Variants in NBAS observed in about 807,000 individuals in gnomAD.
NBAS encodes the protein NAG/BC035112 fusion.
In NBAS, 219 loss-of-function variants were observed where a neutral mutation model predicts 302.5. That is an observed-to-expected ratio of 0.72 (90% CI 0.65 to 0.81). The LOEUF is 0.81. NBAS is among the 30% of genes least tolerant of loss of function. The probability of loss-of-function intolerance (pLI) is 0.00; values close to 1 mark genes in which losing one functional copy is unlikely to be tolerated. For missense variants in NBAS, 2,932 were observed against 2,841.6 expected (o/e 1.03, Z -0.72); for synonymous variants, 1,118 against 1,021.6 (o/e 1.09, Z -1.80).
At chr2:15,292,860 CTGTT>C in intron 40 of NBAS, 94 bp from the exon 41 acceptor site, 1 of 1,210,704 alleles carries the variant, frequency 8.3e-7, no homozygotes, top group Non-Finnish European at 1.2e-6. Flanking sequence ...CTGCAAGGAA[CTGTT>C]TGGCCCTGTA....
At chr2:15,279,222 A>C (rs1319694248) in intron 42 of NBAS, among the ~76,000 whole-genome samples, 1 of 152,182 alleles carries the variant, frequency 6.6e-6, no homozygotes, top group African/African-American at 2.4e-5. Flanking sequence ...TATCATGCTG[A>C]TTACTTTCTT....
At chr2:15,131,710 C>G in the NBAS span, among the ~76,000 whole-genome samples, 1 of 152,112 alleles carries the variant, frequency 6.6e-6, no homozygotes, top group Admixed American at 6.5e-5. Context: ...AAGAAATACC[C>G]GAGACTGGTA....
the NBAS span, among the ~76,000 whole-genome samples, chr2:15,098,276 T>TTATATG: frequency 2.1e-5 from 1 of 47,054 alleles, no homozygotes; most frequent in Non-Finnish European, 3.3e-5. Context: ...GTATACTATA[T>TTATATG]TATATAATAT....
At position 15,178,990 on chromosome 2, in the gene NBAS, T is replaced by C. The variant is rs140346039; in HGVS notation, c.6838A>G (p.Thr2280Ala). 2,173 of 1,613,194 alleles carry C rather than the reference T, an allele frequency of 1.3e-3. 3 individuals are homozygous for C. The highest frequency in any genetic ancestry group is 1.6e-3 in the Non-Finnish European group (1,891 of 1,179,892). Residue 2280 changes from threonine to alanine, a missense_variant and splice_region_variant, in exon 51 of 52, where the codon ACG (threonine) becomes GCG (alanine). Coordinates refer to ENST00000281513, the MANE Select transcript of NBAS (RefSeq NM_015909.4). ...MALEQITAVT[T>A]VNDSNCDQEL... The stretch of plus-strand genomic sequence containing the variant: ...AAAGTAAATTCAACTGGGCATACCG[T>C]AGTGACTGCCGTGATTTGCTCCAGT...
In NBAS at chr2:15,467,501, A is replaced by G. The variant is rs1253566058; in HGVS notation, c.2019-94T>C. 28 of 1,301,794 alleles carry G rather than the reference A, an allele frequency of 2.2e-5. 1 individual carries two copies. Among genetic ancestry groups the G allele is most frequent in the Non-Finnish European group, 2.3e-5 (21 of 903,162 alleles). 80.6% of individuals were successfully genotyped at this position (1,301,794 alleles called of 1,614,324 possible). ...AATGATTAATATTCCGTTGAGCCCA[A>G]AACTCATGAAACAGTTCAGAAAAGC... On this transcript the variant is annotated intron_variant, in intron 18 of 51. Transcript: ENST00000281513.
rs1224649734 is a variant in NBAS at position 15,341,008 on chromosome 2, C to T, written c.4180-10243G>A. ...AGATGTTACCAATACTAAGTATAAA[C>T]TAAAGAAATGTAGGGAACATCTATC... is the stretch of plus-strand genomic sequence containing the variant. On this transcript the variant is annotated intron_variant, in intron 35 of 51. Transcript: ENST00000281513. Among the ~76,000 whole-genome samples, 7 of 152,202 alleles carry T rather than the reference C, an allele frequency of 4.6e-5. No individual in the cohort carries two copies. The East Asian group carries it at 5.8e-4, about 13-fold the overall frequency.
intron 42 of NBAS, among the ~76,000 whole-genome samples, chr2:15,284,179 T>C (rs1434085805): frequency 7.2e-6 from 1 of 138,922 alleles, no homozygotes; most frequent in Admixed American, 7.0e-5. Context: ...AAAAAAAGAG[T>C]CCAGCAACTC....
intron 10 of NBAS, among the ~76,000 whole-genome samples, chr2:15,508,334 G>A (rs1257517501): frequency 6.6e-6 from 1 of 152,164 alleles, no homozygotes; most frequent in African/African-American, 2.4e-5. Context: ...AAGGTGCAAA[G>A]GGAAAGCACA....
At chr2:15,408,914 G>A (rs1194538484) in intron 25 of NBAS, among the ~76,000 whole-genome samples, 1 of 152,182 alleles carries the variant, frequency 6.6e-6, no homozygotes, top group African/African-American at 2.4e-5. Flanking sequence ...GCTCATGCCT[G>A]TATTGCTAGT....
chr2:14,996,337 A>G, the NBAS span, among the ~76,000 whole-genome samples: 1 of 152,150 alleles, frequency 6.6e-6, no homozygotes, highest in Non-Finnish European at 1.5e-5. Context: ...TATGATTTCA[A>G]TTTACAATTG....
intron 38 of NBAS, among the ~76,000 whole-genome samples, chr2:15,310,664 C>T (rs1010274613): frequency 2.6e-5 from 4 of 152,140 alleles, no homozygotes; most frequent in Admixed American, 6.5e-5. Flanking sequence ...GGTTCATGCC[C>T]GTAATCTCAA....
chr2:14,939,383 C>T, the NBAS span, among the ~76,000 whole-genome samples: 7 of 152,328 alleles, frequency 4.6e-5, no homozygotes, highest in East Asian at 1.3e-3. Context: ...TAGATGATTT[C>T]AATAATTTAA....
the NBAS span, among the ~76,000 whole-genome samples, chr2:14,893,677 T>C: frequency 2.8e-4 from 43 of 152,316 alleles, no homozygotes; most frequent in Non-Finnish European, 5.7e-4. Context: ...TTTTGGCCAA[T>C]GGAAGGCAGC....
At chr2:15,089,155 A>C in the NBAS span, among the ~76,000 whole-genome samples, 1 of 152,138 alleles carries the variant, frequency 6.6e-6, no homozygotes, top group Non-Finnish European at 1.5e-5. Context: ...TTTATTTTTC[A>C]GTTTTTTGTA....
chr2:15,469,019 G>T (rs1679844050), intron 16 of NBAS, among the ~76,000 whole-genome samples: 2 of 152,242 alleles, frequency 1.3e-5, no homozygotes, highest in South Asian at 4.1e-4. Flanking sequence ...AAAAAGTCAT[G>T]ATATGCTGTT....
intron 21 of NBAS, among the ~76,000 whole-genome samples, chr2:15,436,229 A>G (rs925128135): frequency 5.3e-5 from 8 of 152,224 alleles, no homozygotes; most frequent in Admixed American, 3.9e-4. Flanking sequence ...ATAAAAGTCA[A>G]CGTAAGAGGA....
the NBAS span, among the ~76,000 whole-genome samples, chr2:14,786,453 G>C: frequency 6.6e-6 from 1 of 152,028 alleles, no homozygotes; most frequent in Non-Finnish European, 1.5e-5. Flanking sequence ...TCTCCTGTGG[G>C]TATTTAGTGC....
chr2:15,249,048 CG>C (rs1668237385), intron 44 of NBAS, among the ~76,000 whole-genome samples: 1 of 152,058 alleles, frequency 6.6e-6, no homozygotes, highest in Admixed American at 6.6e-5. Flanking sequence ...TGATGAACAT[CG>C]ATGCAAAAAT....
chr2:15,365,354 TG>T (rs891565733), intron 32 of NBAS, among the ~76,000 whole-genome samples: 11 of 152,220 alleles, frequency 7.2e-5, no homozygotes, highest in Non-Finnish European at 1.5e-5. Context: ...TGGATCCTTA[TG>T]GAATATTCCC....
Sources: gnomAD v4.1 joint callset for allele counts (sites outside exome capture counted in the v4.1 genomes callset) on GRCh38, gnomAD v4.1.1 for gene constraint, MANE v1.5 for transcripts, NCBI Gene and HGNC (gene_info 2026-07-23, HGNC 2026-07-21) for gene names.